The following MMP16 variants were observed in gnomAD, a reference collection of about 807,000 sequenced individuals.
MMP16 encodes matrix metallopeptidase 16, also known as matrix metalloproteinase-16.
A neutral mutation model predicts 67.8 loss-of-function variants in MMP16; 12 were observed. That is an observed-to-expected ratio of 0.18 (90% CI 0.11 to 0.29). The LOEUF is 0.29. MMP16 is among the 10% of genes least tolerant of loss of function. MMP16 has a pLI of 1.00. For synonymous variants in MMP16, 249 were observed against 255.9 expected (o/e 0.97, Z 0.26); for missense variants, 475 against 765.7 (o/e 0.62, Z 4.48).
intron 6 of MMP16, among the ~76,000 whole-genome samples, chr8:88,114,714 G>A (rs569815743): frequency 1.3e-5 from 2 of 152,010 alleles, no homozygotes; most frequent in East Asian, 3.9e-4. Context: ...ATAATTCTTG[G>A]AATTATTGAC....
intron 1 of MMP16, among the ~76,000 whole-genome samples, chr8:88,322,233 A>G (rs947817106): frequency 2.0e-5 from 3 of 152,184 alleles, no homozygotes; most frequent in African/African-American, 7.2e-5. Flanking sequence ...AACAGATTTC[A>G]GCGAACGTGA....
At chr8:88,223,942 G>C (rs1231536999) in intron 1 of MMP16, among the ~76,000 whole-genome samples, 2 of 151,948 alleles carry the variant, frequency 1.3e-5, no homozygotes, top group Non-Finnish European at 2.9e-5. Flanking sequence ...AAAATAGTGA[G>C]AATGACCTCT....
chr8:88,061,023 T>G (rs1249283339), intron 7 of MMP16, among the ~76,000 whole-genome samples: 2 of 151,978 alleles, frequency 1.3e-5, no homozygotes, highest in African/African-American at 4.8e-5. Flanking sequence ...CTTGGTATTG[T>G]GCTGAAAAAT....
chr8:88,165,253 C>T (rs1308305044), intron 4 of MMP16, among the ~76,000 whole-genome samples: 1 of 149,724 alleles, frequency 6.7e-6, no homozygotes, highest in Non-Finnish European at 1.5e-5. Flanking sequence ...ATCCATGCAA[C>T]CTTCTTCATG....
At chr8:88,182,800 T>G (rs1809002773) in intron 3 of MMP16, among the ~76,000 whole-genome samples, 1 of 144,846 alleles carries the variant, frequency 6.9e-6, no homozygotes, top group Non-Finnish European at 1.6e-5. Context: ...CAAACTGGAA[T>G]CAACCAAGAT....
Position 88,056,120 on chromosome 8 carries a change from A to G in MMP16, c.1373+8T>C, listed in dbSNP as rs759606521. 2.6e-6 allele frequency: 4 copies of G among 1,531,328 alleles called. No homozygotes were observed. Among genetic ancestry groups the G allele is most frequent in the Non-Finnish European group, 3.5e-6 (4 of 1,133,258 alleles). The allele number at this position is 1,531,328 out of a possible 1,614,324, so 94.9% of individuals were successfully genotyped here. ...TAACTGTTTTTCTCATGAGAAGTGT[A>G]TACTGACCTGTCTCCCTTGAAGAAA... On this transcript the variant is annotated splice_region_variant and intron_variant, in intron 8 of 9. Transcript: ENST00000286614.
At chr8:88,288,608 G>GT (rs1810870892) in intron 1 of MMP16, among the ~76,000 whole-genome samples, 1 of 152,020 alleles carries the variant, frequency 6.6e-6, no homozygotes, top group African/African-American at 2.4e-5. Flanking sequence ...TCCATTTTTT[G>GT]TATTTCCCAA....
At chr8:88,114,625 G>C (rs1809398283) in intron 6 of MMP16, among the ~76,000 whole-genome samples, 1 of 151,836 alleles carries the variant, frequency 6.6e-6, no homozygotes, top group East Asian at 1.9e-4. Context: ...ACGTTCTCTA[G>C]GCAAATGGAT....
Position 88,074,651 on chromosome 8 carries a change from G to A in MMP16, c.1176C>T (p.Ile392=), listed in dbSNP as rs770901050. ...CGTCGCTATTTTCATAAACTGCATC[G>A]ATACTAGGAGGCAAGCCCCGCCAGA... The part of the protein sequence containing the change: ...TYFWRGLPPS[I]DAVYENSDGN... The change falls in exon 7 of 10, where the codon ATC becomes ATT. Residue 392 remains isoleucine (I), a synonymous_variant. Transcript: ENST00000286614. The A allele has an allele frequency of 3.2e-5, 51 of 1,613,356 alleles. No individual in the cohort carries two copies. Among genetic ancestry groups the A allele is most frequent in the East Asian group, 4.5e-5 (2 of 44,818 alleles).
At chr8:88,166,886 C>A (rs961915139) in intron 4 of MMP16, among the ~76,000 whole-genome samples, 2 of 151,304 alleles carry the variant, frequency 1.3e-5, no homozygotes, top group African/African-American at 4.9e-5. Flanking sequence ...AAATTATAGA[C>A]TGGAAAGTTA....
chr8:88,264,945 T>C (rs1254506045), intron 1 of MMP16, among the ~76,000 whole-genome samples: 1 of 152,222 alleles, frequency 6.6e-6, no homozygotes, highest in Non-Finnish European at 1.5e-5. Flanking sequence ...TTCCAATGAC[T>C]TGGCAAGACT....
intron 4 of MMP16, among the ~76,000 whole-genome samples, chr8:88,146,977 T>C (rs1225506831): frequency 6.6e-6 from 1 of 152,034 alleles, no homozygotes; most frequent in African/African-American, 2.4e-5. Flanking sequence ...TCACTTGCTA[T>C]AACATTTTGT....
At chr8:88,201,817 G>A (rs140228155) in intron 1 of MMP16, among the ~76,000 whole-genome samples, 1 of 152,042 alleles carries the variant, frequency 6.6e-6, no homozygotes, top group African/African-American at 2.4e-5. Context: ...CTATTTTGTG[G>A]TATCATCAGC....
chr8:88,223,835 TATA>T (rs1563566925), intron 1 of MMP16, among the ~76,000 whole-genome samples: 1 of 151,786 alleles, frequency 6.6e-6, no homozygotes, highest in Non-Finnish European at 1.5e-5. Context: ...GAACTTAAAG[TATA>T]ATAATAATAA....
intron 1 of MMP16, among the ~76,000 whole-genome samples, chr8:88,291,099 G>A (rs1416435263): frequency 1.3e-5 from 2 of 151,878 alleles, no homozygotes; most frequent in Non-Finnish European, 2.9e-5. Context: ...TGGGCAACAC[G>A]GTGATACCAC....
chr8:88,058,142 G>C lies in MMP16; in HGVS notation c.1223-1864C>G, dbSNP rs1407604473. 6.6e-6 allele frequency among the ~76,000 whole-genome samples: 1 copy of C among 152,110 alleles called. No individual in the cohort carries two copies. Among genetic ancestry groups the C allele is most frequent in the African/African-American group, 2.4e-5 (1 of 41,438 alleles). ...GACAGTCTGGGATGATCAACAAATTGAAAGAAGATCAGTAATTTGTAATAA... is the reference window on the plus strand; with the variant it reads ...GACAGTCTGGGATGATCAACAAATTCAAAGAAGATCAGTAATTTGTAATAA... On this transcript the variant is annotated intron_variant, in intron 7 of 9. Transcript: ENST00000286614. This position sits in a 1 kb window ranked among gnomAD's most constrained non-coding sequence, Gnocchi z 4.2.
intron 4 of MMP16, among the ~76,000 whole-genome samples, chr8:88,126,107 CTT>C (rs1807926538): frequency 6.6e-6 from 1 of 151,798 alleles, no homozygotes. Flanking sequence ...GACAAAAACT[CTT>C]TTAAAAATTT....
At chr8:88,232,245 G>A (rs947455708) in intron 1 of MMP16, among the ~76,000 whole-genome samples, 1 of 152,006 alleles carries the variant, frequency 6.6e-6, no homozygotes, top group East Asian at 1.9e-4. Context: ...TAAGAAATTC[G>A]GTTTTACATC....
intron 6 of MMP16, among the ~76,000 whole-genome samples, chr8:88,105,123 G>A (rs1395798537): frequency 1.4e-5 from 2 of 146,374 alleles, no homozygotes; most frequent in Admixed American, 7.0e-5. Flanking sequence ...CACTACATAG[G>A]TGTACCATTT....
Sources: gnomAD v4.1 joint callset for allele counts (sites outside exome capture counted in the v4.1 genomes callset) on GRCh38, gnomAD v4.1.1 for gene constraint, Gnocchi (gnomAD v3.1) non-coding constraint, MANE v1.5 for transcripts, NCBI Gene and HGNC (gene_info 2026-07-23, HGNC 2026-07-21) for gene names.